Variants in RARG observed in about 807,000 individuals in gnomAD.
RARG encodes the protein retinoic acid receptor gamma.
A neutral mutation model predicts 43.7 loss-of-function variants in RARG; 17 were observed. The observed-to-expected ratio is 0.39, with a 90% CI of 0.27 to 0.58. RARG has a LOEUF of 0.58. RARG is among the 20% of genes least tolerant of loss of function. RARG has a pLI of 0.57. For missense variants in RARG, 346 were observed against 598.7 expected, an observed-to-expected ratio of 0.58 and a Z score of 4.40; for synonymous variants, 238 against 236.4, an observed-to-expected ratio of 1.01 and a Z score of -0.06.
chr12:53,211,971 C>T lies in RARG; in HGVS notation c.1178-108G>A. On this transcript the variant is annotated intron_variant, in intron 9 of 9. Coordinates refer to ENST00000425354, the MANE Select transcript of RARG (RefSeq NM_000966.6). The surrounding 1 kb of genome is among the most constrained non-coding windows in gnomAD (Gnocchi z 4.6). Reference sequence around the variant, plus strand: ...GCCCCTGACTCCCCTAGGGGGCGCCCAGCACAGGCCCACCACCTCTCCGTC... The same window carrying T: ...GCCCCTGACTCCCCTAGGGGGCGCCTAGCACAGGCCCACCACCTCTCCGTC... 1.3e-6 allele frequency: 1 copy of T among 781,724 alleles called. No individual in the cohort carries two copies. The highest frequency in any genetic ancestry group is 1.8e-6 in the Non-Finnish European group (1 of 559,476). The allele number at this position is 781,724 out of a possible 1,614,324, so 48.4% of individuals were successfully genotyped here. A position where few individuals can be genotyped will look rare whatever the true frequency, so the allele number is the denominator to read the frequency against.
intron 3 of RARG, chr12:53,220,175 C>T (rs1942912861): frequency 7.6e-7 from 1 of 1,315,566 alleles, no homozygotes; most frequent in African/African-American, 1.5e-5. Context: ...CCTCCCCCGG[C>T]GGCGCCCCGC....
In RARG at chr12:53,228,424, GA is replaced by G. The variant is rs1448531675; in HGVS notation, c.-142-738del. Among the ~76,000 whole-genome samples, 3 of 152,180 alleles carry G rather than the reference GA, an allele frequency of 2.0e-5. No homozygotes were observed. The East Asian group carries it at 5.8e-4, about 29-fold the overall frequency. ...ATAATGTAGGGCACATAGGAAATGT[GA>G]TGTAAATGTCTCATATTAGTTCTCT... On this transcript the variant is annotated intron_variant, in intron 2 of 9. Transcript: ENST00000425354.
chr12:53,213,068 ACC>A lies in RARG; in HGVS notation c.1177+15_1177+16del, dbSNP rs753550782. 2.7e-5 allele frequency: 44 copies of A among 1,600,514 alleles called. 1 individual carries two copies. The highest frequency in any genetic ancestry group is 3.4e-5 in the Admixed American group (2 of 58,600). On this transcript the variant is annotated intron_variant, in intron 9 of 9. Transcript: ENST00000425354. This position sits in a 1 kb window ranked among gnomAD's most constrained non-coding sequence, Gnocchi z 4.7. ...AGCCCTGGGAAGACAGAGAGGGGAC[ACC>A]CACTCATGACTCACCCTTAGTGCTG...
chr12:53,230,115 C>T, intron 2 of RARG: 1 of 396,900 alleles, frequency 2.5e-6, no homozygotes. Context: ...GAATTGAAGG[C>T]AGTGCAGAGT....
At chr12:53,218,848 T>A (rs1356307433) in intron 3 of RARG, among the ~76,000 whole-genome samples, 4 of 112,268 alleles carry the variant, frequency 3.6e-5, no homozygotes, top group African/African-American at 1.4e-4. Context: ...AAGCCCCTCA[T>A]CCCCGGGCCG....
intron 3 of RARG, chr12:53,220,241 A>G (rs1203296977): frequency 2.1e-6 from 1 of 466,022 alleles, no homozygotes; most frequent in Non-Finnish European, 3.9e-6. Context: ...CATGCGGGTA[A>G]GGGGTGGGCG....
intron 9 of RARG, among the ~76,000 whole-genome samples, chr12:53,212,737 T>TACACACAC (rs1160084920): frequency 3.0e-5 from 4 of 133,700 alleles, no homozygotes; most frequent in African/African-American, 8.8e-5. Context: ...AATATATATA[T>TACACACAC]ACACACACAC....
intron 3 of RARG, among the ~76,000 whole-genome samples, chr12:53,222,310 AG>A (rs1942996055): frequency 6.6e-6 from 1 of 152,136 alleles, no homozygotes; most frequent in Admixed American, 6.5e-5. Flanking sequence ...AGAGAGAGAG[AG>A]AGAGAAAGAA....
intron 3 of RARG, among the ~76,000 whole-genome samples, chr12:53,222,233 G>GAGA (rs1555181726): frequency 2.0e-5 from 3 of 149,686 alleles, no homozygotes; most frequent in African/African-American, 7.5e-5. Flanking sequence ...AAGAAAGAGA[G>GAGA]AGAAAGAAAA....
In RARG at chr12:53,213,525, A is replaced by G; in HGVS notation, c.989T>C (p.Leu330Pro). ...PLEMDDTETG[L>P]LSAICLICGD... is the part of the protein sequence containing the mutation. ...GCAGATGAGGCAGATGGCGCTGAGC[A>G]GCCCTGTCTCGGTGTCATCCATCTC... is the stretch of plus-strand genomic sequence containing the variant. Residue 330 changes from leucine (L) to proline (P), a missense_variant, in exon 8 of 10, where the codon CTG becomes CCG. Leu to Pro is a moderately conservative substitution (Grantham distance 98, BLOSUM62 -3). Transcript: ENST00000425354. The surrounding 1 kb of genome is among the most constrained non-coding windows in gnomAD (Gnocchi z 4.7). The G allele has an allele frequency of 6.2e-7, 1 of 1,613,352 alleles. No individual in the cohort carries two copies. The highest frequency in any genetic ancestry group is 8.5e-7 in the Non-Finnish European group (1 of 1,179,872).
In RARG at chr12:53,214,209, C is replaced by T. The variant is rs747987743; in HGVS notation, c.663G>A (p.Gln221=). The part of the protein sequence containing the change: ...TTNSSADHRV[Q]LDLGLWDKFS... ...ACTTGTCCCACAGCCCCAGATCCAG[C>T]TGCACGCGGTGGTCTGCACTGGAGT... Residue 221 remains glutamine (Q), a synonymous_variant, in exon 7 of 10, where the codon CAG becomes CAA. Transcript: ENST00000425354. 5 of 1,613,636 alleles carry T rather than the reference C, an allele frequency of 3.1e-6. No individual in the cohort carries two copies. The highest frequency in any genetic ancestry group is 8.5e-7 in the Non-Finnish European group (1 of 1,179,556).
At chr12:53,229,914 G>A in intron 2 of RARG, 1 of 953,942 alleles carries the variant, frequency 1.0e-6, no homozygotes. Context: ...TCCTCACCAA[G>A]GAATGATGCT....
At position 53,215,033 on chromosome 12, in the gene RARG, C is replaced by G. The variant is rs570523455; in HGVS notation, c.475+260G>C. Among the ~76,000 whole-genome samples, 63 of 152,312 alleles carry G rather than the reference C, an allele frequency of 4.1e-4. 1 individual carries two copies. The highest frequency in any genetic ancestry group is 6.8e-3 in the Middle Eastern group (2 of 294). On this transcript the variant is annotated intron_variant, in intron 5 of 9. Coordinates refer to ENST00000425354, the MANE Select transcript of RARG (RefSeq NM_000966.6). The surrounding 1 kb of genome is among the most constrained non-coding windows in gnomAD (Gnocchi z 6.4). ...GGCAAGCCCACTGGCTTCATTTCCC[C>G]CATGAAACAGGGGGAATGTGAGACC...
intron 3 of RARG, chr12:53,219,823 G>A: frequency 1.1e-6 from 1 of 880,902 alleles, no homozygotes; most frequent in Non-Finnish European, 1.7e-6. Flanking sequence ...CGTTTAAAGG[G>A]CCAGTACCTT....
At chr12:53,222,589 A>G (rs1420994905) in intron 3 of RARG, among the ~76,000 whole-genome samples, 1 of 152,164 alleles carries the variant, frequency 6.6e-6, no homozygotes, top group East Asian at 1.9e-4. Context: ...CCAGGAAGCC[A>G]TGAGTCCTCA....
At chr12:53,221,286 C>A (rs1417989439) in intron 3 of RARG, among the ~76,000 whole-genome samples, 3 of 152,150 alleles carry the variant, frequency 2.0e-5, no homozygotes, top group South Asian at 2.1e-4. Context: ...GCCCCCTAAG[C>A]GCCTCGACCG....
At chr12:53,223,600 G>A (rs1943037034) in intron 3 of RARG, among the ~76,000 whole-genome samples, 1 of 151,720 alleles carries the variant, frequency 6.6e-6, no homozygotes. Context: ...GCCTGTGCCG[G>A]AGGAGGAGAG....
At position 53,211,645 on chromosome 12, in the gene RARG, A is replaced by T; in HGVS notation, c.*31T>A. 1 of 1,420,350 alleles carries T rather than the reference A, an allele frequency of 7.0e-7. No homozygotes were observed. The highest frequency in any genetic ancestry group is 9.2e-7 in the Non-Finnish European group (1 of 1,084,930). The allele number at this position is 1,420,350 out of a possible 1,614,324, so 88.0% of individuals were successfully genotyped here. A position where few individuals can be genotyped will look rare whatever the true frequency, so the allele number is the denominator to read the frequency against. On this transcript the variant is annotated 3_prime_UTR_variant, in exon 10 of 10. Coordinates refer to ENST00000425354, the MANE Select transcript of RARG (RefSeq NM_000966.6). The surrounding 1 kb of genome is among the most constrained non-coding windows in gnomAD (Gnocchi z 4.6). The stretch of plus-strand genomic sequence containing the variant: ...GGTCAGTCTGCTGCCTGAAGCCCCA[A>T]CCCCCACAGCGGGGAGGTCAGGGGC...
At chr12:53,229,044 T>C (rs1943173218) in intron 2 of RARG, among the ~76,000 whole-genome samples, 1 of 152,042 alleles carries the variant, frequency 6.6e-6, no homozygotes. Flanking sequence ...GCTAAGTAGG[T>C]GGTTCCTATC....
Sources: allele counts gnomAD v4.1 joint callset (sites outside exome capture counted in the v4.1 genomes callset), GRCh38; gene constraint gnomAD v4.1.1; non-coding constraint Gnocchi (gnomAD v3.1); transcripts MANE v1.5; gene names NCBI Gene and HGNC (gene_info 2026-07-23, HGNC 2026-07-21).